UGT2A1: variants seen among roughly 807,000 people sequenced by gnomAD.
The protein encoded by UGT2A1 is UDP glucuronosyltransferase family 2 member A1 complex locus, also known as UDP-glucuronosyltransferase 2A1.
Under a neutral mutation model 45.4 loss-of-function variants are expected in UGT2A1, and 61 were observed. The ratio of observed to expected loss-of-function variants is 1.34; its 90% CI spans 1.09 to 1.66. The LOEUF (loss-of-function observed/expected upper bound fraction) is 1.66, where lower values mean the gene tolerates loss of function less well. Among genes scored for constraint, UGT2A1 ranks in the 40% most tolerant of loss-of-function variants. The probability of loss-of-function intolerance (pLI) is 0.00; values close to 1 mark genes in which losing one functional copy is unlikely to be tolerated. For missense variants in UGT2A1, 649 were observed against 574.3 expected (o/e 1.13, Z -1.33); for synonymous variants, 229 against 196.2 (o/e 1.17, Z -1.40).
intron 3 of UGT2A1, among the ~76,000 whole-genome samples, chr4:69,615,305 C>T (rs1050651681): frequency 6.6e-6 from 1 of 151,986 alleles, no homozygotes; most frequent in African/African-American, 2.4e-5. Flanking sequence ...AGACAATGTT[C>T]TGGGCAGATT....
intron 3 of UGT2A1, among the ~76,000 whole-genome samples, chr4:69,635,112 T>C (rs6824954): frequency 0.27 from 41,555 of 151,766 alleles, 6,258 homozygotes; most frequent in African/African-American, 0.38. Flanking sequence ...CACAAGAAAG[T>C]TTAAAAATAA....
At position 69,594,515 on chromosome 4, in the gene UGT2A1, A is replaced by G; in HGVS notation, c.1266T>C (p.Asp422=). The stretch of plus-strand genomic sequence containing the variant: ...TGACTGTTCTCAAAGCGCTAAGCAA[A>G]TCCACACTTGTCATTGTGTTTAGGT... ...EVNLNTMTSV[D]LLSALRTVIN... Residue 422 remains aspartate (D), a synonymous_variant, in exon 6 of 7, where the codon GAT becomes GAC. Coordinates refer to ENST00000286604, the MANE Select transcript of UGT2A1 (RefSeq NM_001252275.3). The G allele has an allele frequency of 6.2e-7, 1 of 1,614,164 alleles. No homozygotes were observed. Among genetic ancestry groups the G allele is most frequent in the Non-Finnish European group, 8.5e-7 (1 of 1,180,028 alleles).
At chr4:69,641,972 T>C (rs531658237) in intron 2 of UGT2A1, among the ~76,000 whole-genome samples, 2 of 151,902 alleles carry the variant, frequency 1.3e-5, no homozygotes, top group South Asian at 4.2e-4. Context: ...CCTCCTACAC[T>C]GACAGACTGG....
intron 3 of UGT2A1, among the ~76,000 whole-genome samples, chr4:69,628,598 G>C (rs989566259): frequency 6.6e-6 from 1 of 150,840 alleles, no homozygotes; most frequent in African/African-American, 2.4e-5. Flanking sequence ...CTTCAAATTT[G>C]ATGAAAAAAA....
At chr4:69,633,851 T>C (rs1424051469) in intron 3 of UGT2A1, among the ~76,000 whole-genome samples, 1 of 152,116 alleles carries the variant, frequency 6.6e-6, no homozygotes, top group African/African-American at 2.4e-5. Context: ...TCATGTTTTG[T>C]TTATTAATTT....
intron 1 of UGT2A1, among the ~76,000 whole-genome samples, chr4:69,650,117 C>T (rs1327187337): frequency 6.6e-6 from 1 of 152,106 alleles, no homozygotes; most frequent in Non-Finnish European, 1.5e-5. Context: ...ACTTATTAAA[C>T]TTTCACTCCA....
intron 2 of UGT2A1, chr4:69,639,337 G>A (rs981454948): frequency 6.2e-7 from 1 of 1,613,708 alleles, no homozygotes; most frequent in African/African-American, 1.3e-5. Flanking sequence ...TCAATCCACA[G>A]CATTATCATA....
At chr4:69,653,124 G>T (rs1290053881) in intron 1 of UGT2A1, 64 bp downstream of exon 1, 39 of 152,094 alleles carry the variant, frequency 2.6e-4, no homozygotes, top group Non-Finnish European at 1.5e-5. Flanking sequence ...TTTAAGAAGA[G>T]AATGGAAAAT....
chr4:69,624,669 T>C (rs1319998618), intron 3 of UGT2A1, among the ~76,000 whole-genome samples: 1 of 151,370 alleles, frequency 6.6e-6, no homozygotes, highest in Non-Finnish European at 1.5e-5. Flanking sequence ...GCAATTAGTA[T>C]CATTTTTAGC....
At chr4:69,643,449 C>T (rs2109975070) in intron 2 of UGT2A1, among the ~76,000 whole-genome samples, 1 of 151,604 alleles carries the variant, frequency 6.6e-6, no homozygotes, top group East Asian at 1.9e-4. Flanking sequence ...TTTGATATTT[C>T]CAAGTCTCAA....
At chr4:69,595,368 T>A in intron 4 of UGT2A1, 119 bp from the exon 5 acceptor site, 2 of 1,193,512 alleles carry the variant, frequency 1.7e-6, no homozygotes, top group Non-Finnish European at 2.4e-6. Flanking sequence ...ACATAAGCAG[T>A]AGTTTACAAA....
intron 6 of UGT2A1, among the ~76,000 whole-genome samples, chr4:69,592,841 A>G (rs1718667484): frequency 6.6e-6 from 1 of 152,124 alleles, no homozygotes. Context: ...GAAAAACTGG[A>G]TAATTTTTTA....
chr4:69,612,306 T>C (rs1364291428), intron 3 of UGT2A1, among the ~76,000 whole-genome samples: 8 of 152,086 alleles, frequency 5.3e-5, no homozygotes, highest in Non-Finnish European at 8.8e-5. Flanking sequence ...AAAATCAGTA[T>C]CGTTAAAATG....
At chr4:69,638,924 C>A in intron 2 of UGT2A1, 1 of 1,603,310 alleles carries the variant, frequency 6.2e-7, no homozygotes, top group South Asian at 1.1e-5. Context: ...AGTATGAATT[C>A]CATTCTCCCC....
At chr4:69,611,675 T>C (rs1348554394) in intron 3 of UGT2A1, among the ~76,000 whole-genome samples, 2 of 152,230 alleles carry the variant, frequency 1.3e-5, no homozygotes, top group Admixed American at 6.5e-5. Context: ...CTGGGTTAAA[T>C]ATAAAATTGT....
chr4:69,629,073 C>A (rs1472493178), intron 3 of UGT2A1, among the ~76,000 whole-genome samples: 1 of 151,918 alleles, frequency 6.6e-6, no homozygotes, highest in Non-Finnish European at 1.5e-5. Context: ...CCCAGTACCA[C>A]AAGCCATAGC....
At chr4:69,607,385 G>A (rs1435999794) in intron 3 of UGT2A1, among the ~76,000 whole-genome samples, 1 of 151,624 alleles carries the variant, frequency 6.6e-6, no homozygotes, top group Non-Finnish European at 1.5e-5. Context: ...GCTGAACCTG[G>A]ATCCCTTCCT....
At position 69,611,100 on chromosome 4, in the gene UGT2A1, G is replaced by A. The variant is rs1720010203; in HGVS notation, c.848-11706C>T. On this transcript the variant is annotated intron_variant, in intron 3 of 6. Transcript: ENST00000286604. ...TAATTTTAAAATAGGTAGAATAAAT[G>A]TTATCAGTGAAGTAAAAAAAGAAAT... Among the ~76,000 whole-genome samples, 7 of 142,016 alleles carry A rather than the reference G, an allele frequency of 4.9e-5. No homozygotes were observed. In the South Asian group the frequency reaches 1.4e-3, roughly 28 times the overall value. The allele number at this position is 142,016 out of a possible 152,430, so 93.2% of individuals were successfully genotyped here. A position where few individuals can be genotyped will look rare whatever the true frequency, so the allele number is the denominator to read the frequency against.
chr4:69,615,915 T>C (rs1166437957), intron 3 of UGT2A1, among the ~76,000 whole-genome samples: 2 of 151,956 alleles, frequency 1.3e-5, no homozygotes, highest in Non-Finnish European at 2.9e-5. Flanking sequence ...TGGGTATATA[T>C]CCAAATAAAG....
Sources: gnomAD v4.1 joint callset for allele counts (sites outside exome capture counted in the v4.1 genomes callset) on GRCh38, gnomAD v4.1.1 for gene constraint, MANE v1.5 for transcripts, NCBI Gene and HGNC (gene_info 2026-07-23, HGNC 2026-07-21) for gene names.